TMEM63A: variants seen among roughly 807,000 people sequenced by gnomAD.
TMEM63A encodes the protein mechanosensitive cation channel TMEM63A.
TMEM63A carries 76 observed loss-of-function variants against 100.6 expected under a neutral mutation model. That is an observed-to-expected ratio of 0.76 (90% CI 0.63 to 0.91). The LOEUF is 0.91. TMEM63A is among the 40% of genes least tolerant of loss of function. The pLI, the probability that TMEM63A is intolerant of heterozygous loss-of-function variation, is 0.00. For synonymous variants in TMEM63A, 401 were observed against 401.1 expected (o/e 1.00, Z 0.00); for missense variants, 876 against 1,008.8 (o/e 0.87, Z 1.78).
At chr1:225,852,557 G>T (rs1669400187) in intron 20 of TMEM63A, 107 bp downstream of exon 20, 1 of 1,019,758 alleles carries the variant, frequency 9.8e-7, no homozygotes, top group Non-Finnish European at 1.5e-6. Context: ...TGTGGCTGTG[G>T]TTTTGGGAAC....
rs1670869586 is a variant in TMEM63A, at chr1:225,877,557, C to T, written c.24G>A (p.Glu8=). The T allele has an allele frequency of 1.2e-6, 2 of 1,613,964 alleles. No homozygotes were observed. The highest frequency in any genetic ancestry group is 2.7e-5 in the African/African-American group (2 of 75,050). Residue 8 remains glutamate, a synonymous_variant, in exon 3 of 25, where the codon GAG becomes GAA. Transcript: ENST00000366835. MMDSPFL[E]LWQSKAVSIR... ...TGGACACTGCCTTGGACTGCCACAG[C>T]TCCAGGAACGGGGAGTCCATCATCG...
chr1:225,850,913 A>G lies in TMEM63A; in HGVS notation c.1904-834T>C, dbSNP rs360061. Among the ~76,000 whole-genome samples the G allele has an allele frequency of 1.3e-3, 192 of 152,000 alleles. 4 individuals carry two copies. In the East Asian group the frequency reaches 0.029, roughly 23 times the overall value. On this transcript the variant is annotated intron_variant, in intron 20 of 24. Coordinates refer to ENST00000366835, the MANE Select transcript of TMEM63A (RefSeq NM_014698.3). Reference sequence around the variant, plus strand: ...TTTTTAGTAGAGATAGGGTTTCACCATGTTAACCAGGATGGTCTCGATCTC... The same window carrying G: ...TTTTTAGTAGAGATAGGGTTTCACCGTGTTAACCAGGATGGTCTCGATCTC...
chr1:225,857,670 G>A (rs574048712), intron 15 of TMEM63A, among the ~76,000 whole-genome samples: 11 of 151,844 alleles, frequency 7.2e-5, no homozygotes, highest in East Asian at 3.9e-4. Flanking sequence ...AGGGATATGC[G>A]ATCTAGGAAG....
chr1:225,852,971 T>A (rs1241637692), intron 19 of TMEM63A, among the ~76,000 whole-genome samples: 1 of 152,180 alleles, frequency 6.6e-6, no homozygotes, highest in African/African-American at 2.4e-5. Flanking sequence ...CGAGGCATGG[T>A]GATGCGTGTT....
At chr1:225,877,067 G>C (rs115690583) in intron 3 of TMEM63A, among the ~76,000 whole-genome samples, 3 of 152,312 alleles carry the variant, frequency 2.0e-5, no homozygotes, top group Non-Finnish European at 4.4e-5. Context: ...AACCCCTTGA[G>C]ATGACCCTTC....
chr1:225,871,182 C>G, intron 5 of TMEM63A, 69 bp from the exon 6 acceptor site: 1 of 1,518,362 alleles, frequency 6.6e-7, no homozygotes, highest in Non-Finnish European at 9.1e-7. Context: ...TAACCATTGT[C>G]TTTGACATTA....
intron 1 of TMEM63A, among the ~76,000 whole-genome samples, chr1:225,880,615 T>C (rs1265136715): frequency 2.0e-5 from 3 of 152,166 alleles, no homozygotes; most frequent in African/African-American, 7.2e-5. Flanking sequence ...ATTCATCCCC[T>C]TATTCCTACT....
intron 17 of TMEM63A, 21 bp downstream of exon 17, chr1:225,856,631 G>T (rs756553628): frequency 1.2e-6 from 2 of 1,611,574 alleles, no homozygotes; most frequent in South Asian, 2.2e-5. Context: ...TGAATTTAGA[G>T]CAGAAGGTGG....
chr1:225,859,522 A>AACCTCTCTCAGAGCC, intron 14 of TMEM63A, 173 bp from the exon 15 acceptor site: 1 of 758,680 alleles, frequency 1.3e-6, no homozygotes, highest in South Asian at 1.9e-5. Context: ...GCTCAGAGGG[A>AACCTCTCTCAGAGCC]ACAATTATTC....
chr1:225,848,698 G>T (rs1224422608), intron 22 of TMEM63A, 144 bp from the exon 23 acceptor site: 5 of 958,058 alleles, frequency 5.2e-6, no homozygotes, highest in Admixed American at 4.2e-5. Flanking sequence ...AGGATGGGGT[G>T]GGGGAGTGCA....
intron 10 of TMEM63A, among the ~76,000 whole-genome samples, chr1:225,863,721 A>G (rs1214684346): frequency 6.6e-6 from 1 of 152,066 alleles, no homozygotes; most frequent in Admixed American, 6.6e-5. Context: ...GTTTGCGACC[A>G]GCCTGGCCAA....
chr1:225,851,810 GTTTT>G (rs1419991086), intron 20 of TMEM63A, among the ~76,000 whole-genome samples: 1 of 152,240 alleles, frequency 6.6e-6, no homozygotes, highest in South Asian at 2.1e-4. Context: ...AGTCTCTTGG[GTTTT>G]TTGTTTCCTT....
At position 225,872,010 on chromosome 1, in the gene TMEM63A, G is replaced by T. The variant is rs1459104430; in HGVS notation, c.310C>A (p.Gln104Lys). 2 of 1,612,884 alleles carry T rather than the reference G, an allele frequency of 1.2e-6. No homozygotes were observed. The highest frequency in any genetic ancestry group is 1.7e-6 in the Non-Finnish European group (2 of 1,179,602). Residue 104 changes from glutamine (Q) to lysine (K), a missense_variant, in exon 5 of 25, where the codon CAA (glutamine) becomes AAA (lysine). Physicochemically the swap from Gln to Lys is moderately conservative, Grantham distance 53. Coordinates refer to ENST00000366835, the MANE Select transcript of TMEM63A (RefSeq NM_014698.3). ...QRLSSTSSSGQQDFENELGCC... is the reference protein window; with the variant it reads ...QRLSSTSSSGKQDFENELGCC... Reference sequence around the variant, plus strand: ...ACCAGCTCATTTTCAAAGTCTTGTTGACCTGAGGAGGAAGTCGATGACAAT... The same window carrying T: ...ACCAGCTCATTTTCAAAGTCTTGTTTACCTGAGGAGGAAGTCGATGACAAT...
At chr1:225,845,137 C>A, downstream of TMEM63A, 1 of 1,614,066 alleles carries the variant, frequency 6.2e-7, no homozygotes, top group Non-Finnish European at 8.5e-7. Flanking sequence ...TCGGCTCTTT[C>A]ACTTCCAGGA....
intron 6 of TMEM63A, among the ~76,000 whole-genome samples, chr1:225,869,180 C>T (rs889261952): frequency 2.0e-5 from 3 of 152,214 alleles, no homozygotes; most frequent in African/African-American, 4.8e-5. Context: ...CCTCTGACCT[C>T]GAGCAAGGAA....
rs201787923 is a variant in TMEM63A at position 225,860,934 on chromosome 1, C to T, written c.1149G>A (p.Pro383=). The change falls in exon 14 of 25, where the codon CCG becomes CCA. Residue 383 remains proline (P), a synonymous_variant. Transcript: ENST00000366835. ...QSLQCKGEPQ[P]SSHSRELYTS... is the part of the protein sequence containing the mutation. Reference sequence around the variant, plus strand: ...TATAGAGCTCCCTGCTATGGGAGGACGGCTGGGGCTCACCTTTGCACTGAA... The same window carrying T: ...TATAGAGCTCCCTGCTATGGGAGGATGGCTGGGGCTCACCTTTGCACTGAA... 1.2e-5 allele frequency: 19 copies of T among 1,612,762 alleles called. No homozygotes were observed. Among genetic ancestry groups the T allele is most frequent in the East Asian group, 4.5e-5 (2 of 44,780 alleles).
At chr1:225,849,878 C>A (rs1401397820) in intron 21 of TMEM63A, 34 bp downstream of exon 21, 1 of 1,607,170 alleles carries the variant, frequency 6.2e-7, no homozygotes, top group Admixed American at 1.7e-5. Flanking sequence ...GCTGGGAGGC[C>A]AAGGGCTGGC....
At chr1:225,851,793 T>C (rs771716983) in intron 20 of TMEM63A, among the ~76,000 whole-genome samples, 30 of 152,278 alleles carry the variant, frequency 2.0e-4, no homozygotes, top group Non-Finnish European at 3.2e-4. Context: ...CAGCTATCAC[T>C]GCCAGCAGTC....
intron 6 of TMEM63A, among the ~76,000 whole-genome samples, chr1:225,870,693 AT>A (rs1172588238): frequency 3.9e-5 from 6 of 152,356 alleles, no homozygotes; most frequent in East Asian, 3.9e-4. Flanking sequence ...AAGCAAAAAA[AT>A]AGCTTTAATT....
Sources: gnomAD v4.1 joint callset for allele counts (sites outside exome capture counted in the v4.1 genomes callset) on GRCh38, gnomAD v4.1.1 for gene constraint, MANE v1.5 for transcripts, NCBI Gene and HGNC (gene_info 2026-07-23, HGNC 2026-07-21) for gene names.